The following ERG variants were observed in gnomAD, a reference collection of about 807,000 sequenced individuals.
The protein encoded by ERG is transcriptional regulator ERG.
ERG carries 9 observed loss-of-function variants against 55.3 expected under a neutral mutation model. That is an observed-to-expected ratio of 0.16 (90% CI 0.10 to 0.28). The LOEUF (loss-of-function observed/expected upper bound fraction) is 0.28, where lower values mean the gene tolerates loss of function less well. Among genes scored for constraint, ERG ranks in the 10% least tolerant of loss-of-function variants. ERG has a pLI of 1.00. For missense variants in ERG, 434 were observed against 631.6 expected (o/e 0.69, Z 3.35); for synonymous variants, 223 against 237.3 (o/e 0.94, Z 0.55).
rs1457719389 is a variant in ERG, at chr21:38,381,226, T to C, written c.*2177A>G. 10 of 1,065,078 alleles carry C rather than the reference T, an allele frequency of 9.4e-6. No individual in the cohort carries two copies. The highest frequency in any genetic ancestry group is 1.1e-5 in the Non-Finnish European group (10 of 879,124). 66.0% of individuals were successfully genotyped at this position (1,065,078 alleles called of 1,614,324 possible). A position where few individuals can be genotyped will look rare whatever the true frequency, so the allele number is the denominator to read the frequency against. On this transcript the variant is annotated 3_prime_UTR_variant, in exon 10 of 10. Coordinates refer to ENST00000288319, the MANE Select transcript of ERG (RefSeq NM_182918.4). ...ACTGCAACGTGAAAAAAACAGGCCC[T>C]GAAACAGCTATGAAAAGGGCCAGTT...
At chr21:38,620,602 G>C (rs2146941647) in intron 1 of ERG, among the ~76,000 whole-genome samples, 1 of 152,316 alleles carries the variant, frequency 6.6e-6, no homozygotes, top group South Asian at 2.1e-4. Context: ...CCATCACCAA[G>C]ATTTTAAGGA....
chr21:38,562,485 G>T (rs2059898753), intron 2 of ERG, among the ~76,000 whole-genome samples: 1 of 152,140 alleles, frequency 6.6e-6, no homozygotes, highest in South Asian at 2.1e-4. Flanking sequence ...ACAATCTCAA[G>T]GCCTGCCCTA....
At chr21:38,484,723 A>C (rs1297170842) in intron 1 of ERG, among the ~76,000 whole-genome samples, 4 of 152,212 alleles carry the variant, frequency 2.6e-5, no homozygotes, top group Non-Finnish European at 5.9e-5. Flanking sequence ...ACAATGACAG[A>C]CTGCAGATAG....
chr21:38,531,568 T>C (rs1400155790), intron 2 of ERG, among the ~76,000 whole-genome samples: 1 of 152,234 alleles, frequency 6.6e-6, no homozygotes, highest in Non-Finnish European at 1.5e-5. Context: ...TAAGATGCCA[T>C]TTTTAATTGT....
In ERG at chr21:38,382,746, T is replaced by C. The variant is rs1030657302; in HGVS notation, c.*657A>G. 6 of 1,066,318 alleles carry C rather than the reference T, an allele frequency of 5.6e-6. No individual in the cohort carries two copies. The highest frequency in any genetic ancestry group is 6.8e-6 in the Non-Finnish European group (6 of 879,604). 66.1% of individuals were successfully genotyped at this position (1,066,318 alleles called of 1,614,324 possible). On this transcript the variant is annotated 3_prime_UTR_variant, in exon 10 of 10. Coordinates refer to ENST00000288319, the MANE Select transcript of ERG (RefSeq NM_182918.4). The stretch of plus-strand genomic sequence containing the variant: ...ACGCTCACTCTATACACATCCTCAG[T>C]CCCACCTTTTAGTTCATAGTCCCGG...
chr21:38,553,521 G>A (rs1416074331), intron 2 of ERG, among the ~76,000 whole-genome samples: 25 of 152,048 alleles, frequency 1.6e-4, no homozygotes. Flanking sequence ...GAACCCAGAA[G>A]TAATGTCACA....
intron 2 of ERG, among the ~76,000 whole-genome samples, chr21:38,443,975 T>G (rs1050653591): frequency 6.6e-6 from 1 of 152,146 alleles, no homozygotes; most frequent in African/African-American, 2.4e-5. Context: ...AAGAAGCAGA[T>G]GCACAGACGC....
chr21:38,644,520 C>T (rs1054258438), intron 1 of ERG, among the ~76,000 whole-genome samples: 11 of 152,084 alleles, frequency 7.2e-5, no homozygotes, highest in South Asian at 2.1e-4. Context: ...AGGAGATCAA[C>T]GTATAACACA....
intron 2 of ERG, among the ~76,000 whole-genome samples, chr21:38,518,236 G>GTATCTATCTATC (rs71330332): frequency 2.8e-4 from 41 of 145,474 alleles, no homozygotes; most frequent in East Asian, 1.0e-3. Context: ...GTGTGTGTGT[G>GTATCTATCTATC]TATCTATCTA....
At chr21:38,425,831 T>C (rs1434710540) in intron 2 of ERG, among the ~76,000 whole-genome samples, 1 of 152,196 alleles carries the variant, frequency 6.6e-6, no homozygotes, top group Non-Finnish European at 1.5e-5. Flanking sequence ...CAAAACCATC[T>C]GAGGCAGGAG....
chr21:38,603,782 G>A (rs1377243382), intron 1 of ERG, among the ~76,000 whole-genome samples: 2 of 152,018 alleles, frequency 1.3e-5, no homozygotes, highest in Admixed American at 6.6e-5. Context: ...ACTCTTAGGC[G>A]AAATTAACAT....
Position 38,621,003 on chromosome 21 carries a change from C to T in ERG, c.-149-36058G>A, listed in dbSNP as rs536214148. 2.6e-5 allele frequency among the ~76,000 whole-genome samples: 4 copies of T among 152,314 alleles called. No individual in the cohort carries two copies. In the East Asian group the frequency reaches 5.8e-4, roughly 22 times the overall value. ...GTTTTCAGCATTTATTGAGAGAACTCGAACTACTGGAGGATTTCAAAGATG... is the reference window on the plus strand; with the variant it reads ...GTTTTCAGCATTTATTGAGAGAACTTGAACTACTGGAGGATTTCAAAGATG... On this transcript the variant is annotated intron_variant, in intron 1 of 10. Transcript: ENST00000398910.
At chr21:38,613,693 C>T (rs767886062) in intron 1 of ERG, among the ~76,000 whole-genome samples, 5 of 152,170 alleles carry the variant, frequency 3.3e-5, no homozygotes, top group African/African-American at 7.2e-5. Context: ...GACTGCTGTC[C>T]GGGTAAGAGT....
At chr21:38,518,874 G>T (rs1246973692) in intron 2 of ERG, among the ~76,000 whole-genome samples, 5 of 152,110 alleles carry the variant, frequency 3.3e-5, no homozygotes, top group African/African-American at 4.8e-5. Flanking sequence ...AGTGGAAGAT[G>T]ATATCTTTAA....
chr21:38,596,144 A>T (rs2060130337), intron 1 of ERG, among the ~76,000 whole-genome samples: 1 of 152,104 alleles, frequency 6.6e-6, no homozygotes. Flanking sequence ...TAACCCAGCA[A>T]GGCTACTGCC....
intron 2 of ERG, among the ~76,000 whole-genome samples, chr21:38,548,511 G>A (rs1012646531): frequency 6.7e-6 from 1 of 148,914 alleles, no homozygotes; most frequent in Non-Finnish European, 1.5e-5. Flanking sequence ...GCAGTGGTGC[G>A]ATCTCTGCTC....
intron 2 of ERG, among the ~76,000 whole-genome samples, chr21:38,525,951 G>A (rs548328682): frequency 2.0e-5 from 3 of 152,192 alleles, no homozygotes; most frequent in East Asian, 1.9e-4. Flanking sequence ...TTAAGAATCC[G>A]TTTAAAAAAA....
chr21:38,503,427 A>G (rs1172033759), upstream of ERG, among the ~76,000 whole-genome samples: 1 of 151,214 alleles, frequency 6.6e-6, no homozygotes, highest in African/African-American at 2.4e-5. Context: ...CGTGGAGGCC[A>G]TCTATGCGGC....
At chr21:38,404,042 A>G (rs1543774) in intron 3 of ERG, among the ~76,000 whole-genome samples, 127,389 of 152,086 alleles carry the variant, frequency 0.84, 54,641 homozygotes, top group Non-Finnish European at 0.94. Context: ...TTATTTTAAA[A>G]TGAGTAAGAA....
Sources: gnomAD v4.1 joint callset for allele counts (sites outside exome capture counted in the v4.1 genomes callset) on GRCh38, gnomAD v4.1.1 for gene constraint, MANE v1.5 for transcripts, NCBI Gene and HGNC (gene_info 2026-07-23, HGNC 2026-07-21) for gene names.